Variants in CTNND2 observed in about 807,000 individuals in gnomAD.
CTNND2 encodes the protein catenin delta-2.
Under a neutral mutation model 144.4 loss-of-function variants are expected in CTNND2, and 22 were observed. The observed-to-expected ratio is 0.15, with a 90% CI of 0.11 to 0.22. CTNND2 has a LOEUF of 0.22. CTNND2 is among the 10% of genes least tolerant of loss of function. The pLI, the probability that CTNND2 is intolerant of heterozygous loss-of-function variation, is 1.00. For synonymous variants in CTNND2, 751 were observed against 695.6 expected, an observed-to-expected ratio of 1.08 and a Z score of -1.25; for missense variants, 1,353 against 1,618.8, an observed-to-expected ratio of 0.84 and a Z score of 2.82.
At chr5:11,117,711 A>G in intron 12 of CTNND2, 144 bp from the exon 13 acceptor site, 1 of 676,760 alleles carries the variant, frequency 1.5e-6, no homozygotes, top group Non-Finnish European at 2.6e-6. Flanking sequence ...ATCTTTAATG[A>G]AAAGGGATGG....
chr5:11,175,585 T>C (rs1287127432), intron 11 of CTNND2, among the ~76,000 whole-genome samples: 1 of 152,206 alleles, frequency 6.6e-6, no homozygotes, highest in African/African-American at 2.4e-5. Context: ...GGTCCATTTT[T>C]ATCTGATTGT....
chr5:11,684,247 G>A (rs1049341839), intron 2 of CTNND2, among the ~76,000 whole-genome samples: 37 of 151,618 alleles, frequency 2.4e-4, no homozygotes, highest in Admixed American at 7.2e-4. Context: ...GACTACAGGC[G>A]CTCGCCACCA....
At chr5:11,151,446 A>G (rs1486360484) in intron 12 of CTNND2, among the ~76,000 whole-genome samples, 8 of 152,254 alleles carry the variant, frequency 5.3e-5, no homozygotes, top group Non-Finnish European at 1.2e-4. Context: ...AGAAATATCT[A>G]TTAAACATCA....
At chr5:10,980,222 CAAA>C (rs1737055987) in intron 21 of CTNND2, among the ~76,000 whole-genome samples, 1 of 151,822 alleles carries the variant, frequency 6.6e-6, no homozygotes, top group Non-Finnish European at 1.5e-5. Flanking sequence ...AAAAACCCAT[CAAA>C]AAGTGAGCAA....
intron 3 of CTNND2, among the ~76,000 whole-genome samples, chr5:11,523,638 C>T (rs1482918424): frequency 6.6e-6 from 1 of 152,158 alleles, no homozygotes; most frequent in East Asian, 1.9e-4. Context: ...CAGTTCATCT[C>T]CAAGTAGAAC....
intron 2 of CTNND2, among the ~76,000 whole-genome samples, chr5:11,572,747 A>C (rs1172553729): frequency 2.0e-5 from 3 of 152,138 alleles, no homozygotes; most frequent in Admixed American, 6.6e-5. Context: ...CATCCTGTCT[A>C]TAGATGAGAC....
intron 1 of CTNND2, among the ~76,000 whole-genome samples, chr5:11,891,384 A>G (rs1465294084): frequency 1.3e-5 from 2 of 152,192 alleles, no homozygotes; most frequent in Non-Finnish European, 2.9e-5. Flanking sequence ...GCCACCAGAG[A>G]TTGGCCTTCC....
At chr5:11,751,106 T>G (rs1788589686) in intron 1 of CTNND2, among the ~76,000 whole-genome samples, 1 of 151,880 alleles carries the variant, frequency 6.6e-6, no homozygotes, top group African/African-American at 2.4e-5. Context: ...AGGGAAACCA[T>G]TAAATAATTT....
intron 6 of CTNND2, among the ~76,000 whole-genome samples, chr5:11,395,265 TC>T (rs1358019684): frequency 1.5e-4 from 23 of 152,326 alleles, no homozygotes; most frequent in African/African-American, 5.5e-4. Flanking sequence ...TCAATAAGCA[TC>T]CCTTTCATAC....
chr5:11,365,367 CT>C (rs1224985669), intron 7 of CTNND2, among the ~76,000 whole-genome samples: 1 of 152,158 alleles, frequency 6.6e-6, no homozygotes, highest in African/African-American at 2.4e-5. Context: ...CAGTTTTTCC[CT>C]GGGAAAAGGA....
chr5:11,224,710 T>G (rs557831100), intron 10 of CTNND2, among the ~76,000 whole-genome samples: 1 of 152,294 alleles, frequency 6.6e-6, no homozygotes, highest in East Asian at 1.9e-4. Context: ...TCTTCCACAG[T>G]GCTGTTCTGG....
intron 14 of CTNND2, among the ~76,000 whole-genome samples, chr5:11,106,067 G>A (rs905541546): frequency 1.3e-5 from 2 of 152,220 alleles, no homozygotes; most frequent in Non-Finnish European, 2.9e-5. Flanking sequence ...GTCATGAGGA[G>A]CAGATGCATG....
intron 11 of CTNND2, among the ~76,000 whole-genome samples, chr5:11,178,269 C>T (rs1215302564): frequency 6.6e-6 from 1 of 152,154 alleles, no homozygotes; most frequent in Non-Finnish European, 1.5e-5. Flanking sequence ...CTGACCTAAG[C>T]CTTTTTCTCA....
At chr5:11,810,991 C>T (rs945383481) in intron 1 of CTNND2, among the ~76,000 whole-genome samples, 1 of 152,224 alleles carries the variant, frequency 6.6e-6, no homozygotes, top group African/African-American at 2.4e-5. Flanking sequence ...GTTAGACATA[C>T]TTATTCCACA....
At chr5:11,298,813 T>C (rs907558579) in intron 9 of CTNND2, among the ~76,000 whole-genome samples, 7 of 152,244 alleles carry the variant, frequency 4.6e-5, no homozygotes, top group African/African-American at 1.4e-4. Flanking sequence ...AAGTTACATA[T>C]GTCGGTTTGC....
chr5:11,110,060 G>C (rs1430474587), intron 14 of CTNND2, among the ~76,000 whole-genome samples: 1 of 152,128 alleles, frequency 6.6e-6, no homozygotes, highest in Admixed American at 6.6e-5. Context: ...CGCTGTTCCA[G>C]TGTTAGCAAA....
chr5:11,697,441 T>C (rs534911279), intron 2 of CTNND2, among the ~76,000 whole-genome samples: 2 of 152,336 alleles, frequency 1.3e-5, no homozygotes, highest in African/African-American at 4.8e-5. Context: ...ATGGCATAAG[T>C]GGGAATAAAA....
rs58587684 is a variant in CTNND2 at position 11,171,186 on chromosome 5, A to G, written c.1976-11427T>C. Reference sequence around the variant, plus strand: ...CCTGAGACATTACCATGTCACATGCACTATTTAATTAAATCCTGACCACAA... The same window carrying G: ...CCTGAGACATTACCATGTCACATGCGCTATTTAATTAAATCCTGACCACAA... On this transcript the variant is annotated intron_variant, in intron 11 of 21. Coordinates refer to ENST00000304623, the MANE Select transcript of CTNND2 (RefSeq NM_001332.4). Among the ~76,000 whole-genome samples, 575 of 152,252 alleles carry G rather than the reference A, an allele frequency of 3.8e-3. 2 individuals carry two copies. The highest frequency in any genetic ancestry group is 0.013 in the African/African-American group (550 of 41,548).
intron 3 of CTNND2, among the ~76,000 whole-genome samples, chr5:11,446,409 G>C (rs1764802511): frequency 2.0e-5 from 3 of 152,302 alleles, no homozygotes; most frequent in African/African-American, 7.2e-5. Flanking sequence ...GAGTGGTCAG[G>C]TGACATTCTC....
Sources: allele counts gnomAD v4.1 joint callset (sites outside exome capture counted in the v4.1 genomes callset), GRCh38; gene constraint gnomAD v4.1.1; transcripts MANE v1.5; gene names NCBI Gene and HGNC (gene_info 2026-07-23, HGNC 2026-07-21).